LINGO2: variants seen among roughly 807,000 people sequenced by gnomAD.
The protein encoded by LINGO2 is leucine rich repeat and Ig domain containing 2, also known as leucine-rich repeat and immunoglobulin-like domain-containing nogo receptor-interacting protein 2.
Under a neutral mutation model 30.6 loss-of-function variants are expected in LINGO2, and 14 were observed. The observed-to-expected ratio is 0.46, with a 90% CI of 0.30 to 0.72. The LOEUF is 0.72. Among genes scored for constraint, LINGO2 ranks in the 30% least tolerant of loss-of-function variants. LINGO2 has a pLI of 0.07. For missense variants in LINGO2, 729 were observed against 751.7 expected, an observed-to-expected ratio of 0.97 and a Z score of 0.35; for synonymous variants, 317 against 288.5, an observed-to-expected ratio of 1.10 and a Z score of -1.00.
chr9:28,510,039 C>T (rs141295896), intron 1 of LINGO2, among the ~76,000 whole-genome samples: 6 of 152,276 alleles, frequency 3.9e-5, no homozygotes, highest in East Asian at 3.9e-4. Context: ...CCTTGCTCTC[C>T]GGCAGCTTAC....
At chr9:28,254,374 G>A (rs989510523) in intron 4 of LINGO2, among the ~76,000 whole-genome samples, 1 of 152,018 alleles carries the variant, frequency 6.6e-6, no homozygotes, top group Non-Finnish European at 1.5e-5. Flanking sequence ...CACAAAGGTT[G>A]CCCCTAACCA....
the LINGO2 span, among the ~76,000 whole-genome samples, chr9:28,713,045 T>C: frequency 6.6e-6 from 1 of 152,000 alleles, no homozygotes; most frequent in Admixed American, 6.6e-5. Context: ...TTTGTATTTT[T>C]AGTAGAAACA....
chr9:28,854,746 T>A, the LINGO2 span, among the ~76,000 whole-genome samples: 1 of 151,936 alleles, frequency 6.6e-6, no homozygotes, highest in African/African-American at 2.4e-5. Context: ...CAAAAATAAA[T>A]ACTGCTATAT....
chr9:28,340,999 T>C (rs1264759693), intron 3 of LINGO2, among the ~76,000 whole-genome samples: 1 of 152,096 alleles, frequency 6.6e-6, no homozygotes, highest in Non-Finnish European at 1.5e-5. Flanking sequence ...AACAATCTAA[T>C]GAGTCCTTAG....
At chr9:29,129,283 G>T in the LINGO2 span, among the ~76,000 whole-genome samples, 1 of 152,098 alleles carries the variant, frequency 6.6e-6, no homozygotes, top group Non-Finnish European at 1.5e-5. Flanking sequence ...AACCTTAAAT[G>T]ATAGTGTTTC....
chr9:29,102,966 C>A, the LINGO2 span, among the ~76,000 whole-genome samples: 1 of 151,936 alleles, frequency 6.6e-6, no homozygotes, highest in African/African-American at 2.4e-5. Context: ...AATAACTTGT[C>A]AAACAAGCTG....
intron 4 of LINGO2, among the ~76,000 whole-genome samples, chr9:28,191,511 C>G (rs541506286): frequency 6.6e-6 from 1 of 152,090 alleles, no homozygotes; most frequent in Non-Finnish European, 1.5e-5. Flanking sequence ...ATTTATCTAG[C>G]GATCCTTCTC....
chr9:28,543,556 T>C (rs1821798571), intron 1 of LINGO2, among the ~76,000 whole-genome samples: 1 of 152,036 alleles, frequency 6.6e-6, no homozygotes, highest in Non-Finnish European at 1.5e-5. Flanking sequence ...TTTATGAATT[T>C]TGAGTTTAAG....
At chr9:28,622,408 A>AT (rs903609540) in intron 1 of LINGO2, among the ~76,000 whole-genome samples, 1 of 151,370 alleles carries the variant, frequency 6.6e-6, no homozygotes, top group Admixed American at 6.6e-5. Flanking sequence ...TGTTTGTTTT[A>AT]TTTTTTTGGT....
chr9:28,771,537 T>A, the LINGO2 span, among the ~76,000 whole-genome samples: 2 of 150,322 alleles, frequency 1.3e-5, no homozygotes, highest in African/African-American at 4.9e-5. Context: ...GAGAAGGTAG[T>A]ATAAGGTTTG....
At chr9:28,948,908 G>T in the LINGO2 span, among the ~76,000 whole-genome samples, 2 of 151,728 alleles carry the variant, frequency 1.3e-5, no homozygotes, top group Admixed American at 1.3e-4. Context: ...TGGCACAAGT[G>T]GATCTCTCTT....
In LINGO2 at chr9:28,641,219, G is replaced by A. The variant is rs559311368; in HGVS notation, c.-365+28981C>T. 1.7e-4 allele frequency among the ~76,000 whole-genome samples: 26 copies of A among 152,144 alleles called. No individual in the cohort carries two copies. In the South Asian group the frequency reaches 5.2e-3, roughly 30 times the overall value. ...CGGCTAATTTTGTTTTGTATTTTTA[G>A]TAGAGACAGGGTTTCACCATGTTAG... is the stretch of plus-strand genomic sequence containing the variant. On this transcript the variant is annotated intron_variant, in intron 1 of 5. Coordinates refer to ENST00000379992, the Ensembl canonical transcript of LINGO2.
chr9:29,085,178 C>A, the LINGO2 span, among the ~76,000 whole-genome samples: 1 of 148,284 alleles, frequency 6.7e-6, no homozygotes, highest in Non-Finnish European at 1.5e-5. Flanking sequence ...ATTTGGCAGC[C>A]TGGTTCACTG....
chr9:28,556,616 T>C (rs1391253598), intron 1 of LINGO2, among the ~76,000 whole-genome samples: 1 of 152,028 alleles, frequency 6.6e-6, no homozygotes, highest in African/African-American at 2.4e-5. Flanking sequence ...AAGCTACCAA[T>C]GACTTTCTTC....
At chr9:28,200,347 GA>G (rs1337232353) in intron 4 of LINGO2, among the ~76,000 whole-genome samples, 5 of 151,654 alleles carry the variant, frequency 3.3e-5, no homozygotes, top group Admixed American at 6.6e-5. Flanking sequence ...ACGTTTAGGG[GA>G]AAAAAAAGCC....
At chr9:28,861,241 AT>A in the LINGO2 span, among the ~76,000 whole-genome samples, 13,135 of 116,428 alleles carry the variant, frequency 0.11, 869 homozygotes, top group African/African-American at 0.18. Flanking sequence ...TATAATATAT[AT>A]TTTTTATACA....
At chr9:28,965,360 A>T in the LINGO2 span, among the ~76,000 whole-genome samples, 2 of 152,044 alleles carry the variant, frequency 1.3e-5, no homozygotes, top group Non-Finnish European at 2.9e-5. Context: ...GGAAACAAAT[A>T]CTAGGATTTT....
At chr9:28,954,898 C>G in the LINGO2 span, among the ~76,000 whole-genome samples, 1 of 152,116 alleles carries the variant, frequency 6.6e-6, no homozygotes, top group Non-Finnish European at 1.5e-5. Context: ...ATTAAAATAA[C>G]TAAGGCTGGA....
At chr9:28,097,326 C>T (rs183861921) in intron 4 of LINGO2, among the ~76,000 whole-genome samples, 4,126 of 151,752 alleles carry the variant, frequency 0.027, 118 homozygotes, top group South Asian at 0.083. Flanking sequence ...CCAGCCATCC[C>T]ATTACTGGGT....
Sources: gnomAD v4.1 joint callset for allele counts (sites outside exome capture counted in the v4.1 genomes callset) on GRCh38, gnomAD v4.1.1 for gene constraint, MANE v1.5 for transcripts, NCBI Gene and HGNC (gene_info 2026-07-23, HGNC 2026-07-21) for gene names.